Variants in PPEF1 observed in about 807,000 individuals in gnomAD.
PPEF1 encodes the protein serine/threonine-protein phosphatase with EF-hands 1.
Under a neutral mutation model 53.3 loss-of-function variants are expected in PPEF1, and 12 were observed. The ratio of observed to expected loss-of-function variants is 0.23; its 90% CI spans 0.14 to 0.36. PPEF1 has a LOEUF of 0.36. Among genes scored for constraint, PPEF1 ranks in the 10% least tolerant of loss-of-function variants. The pLI, the probability that PPEF1 is intolerant of heterozygous loss-of-function variation, is 1.00. For missense variants in PPEF1, 334 were observed against 490.4 expected (o/e 0.68, Z 3.01); for synonymous variants, 165 against 176.7 (o/e 0.93, Z 0.52).
chrX:18,774,723 A>G (rs2283719), intron 6 of PPEF1, among the ~76,000 whole-genome samples: 53,376 of 110,633 alleles, frequency 0.48, 9,620 homozygotes, highest in Non-Finnish European at 0.54. Flanking sequence ...CCACTGTAGA[A>G]ATCTTGGTTC....
intron 6 of PPEF1, among the ~76,000 whole-genome samples, chrX:18,767,960 G>T (rs1222405873): frequency 9.0e-6 from 1 of 111,244 alleles, no homozygotes; most frequent in Non-Finnish European, 1.9e-5. Flanking sequence ...TAGAATTTCT[G>T]TGATGGTCTT....
At chrX:18,820,691 CT>C (rs202006513) in intron 13 of PPEF1, among the ~76,000 whole-genome samples, 1,710 of 110,681 alleles carry the variant, frequency 0.015, 36 homozygotes, top group African/African-American at 0.054. Flanking sequence ...GGCCAGCAAA[CT>C]TTTTTCTTAA....
intron 7 of PPEF1, among the ~76,000 whole-genome samples, 191 bp from the exon 8 acceptor site, chrX:18,782,175 G>C (rs1454980821): frequency 9.0e-6 from 1 of 111,552 alleles, no homozygotes; most frequent in East Asian, 2.8e-4. Flanking sequence ...GGGTAGGGAT[G>C]ATGTCGTTGG....
chrX:18,807,356 A>T (rs923152266), intron 12 of PPEF1, among the ~76,000 whole-genome samples: 1 of 111,909 alleles, frequency 8.9e-6, no homozygotes, highest in Admixed American at 9.5e-5. Flanking sequence ...TATAGAACTA[A>T]CATGTTTGTT....
intron 13 of PPEF1, among the ~76,000 whole-genome samples, chrX:18,823,348 C>T (rs887989506): frequency 2.2e-4 from 24 of 111,343 alleles, no homozygotes; most frequent in African/African-American, 6.5e-4. Flanking sequence ...ACCTAGGCCG[C>T]GCATGGTGGC....
At chrX:18,817,067 C>CGTGTGT (rs1391352242) in intron 12 of PPEF1, among the ~76,000 whole-genome samples, 42 of 49,144 alleles carry the variant, frequency 8.5e-4, no homozygotes, top group African/African-American at 2.1e-3. Context: ...ATCATTTTGC[C>CGTGTGT]ATGTGTGTGT....
At chrX:18,816,625 C>T (rs1479012545) in intron 12 of PPEF1, among the ~76,000 whole-genome samples, 1 of 111,553 alleles carries the variant, frequency 9.0e-6, no homozygotes, top group Non-Finnish European at 1.9e-5. Flanking sequence ...TACTGAAAGT[C>T]GACTATTGAA....
At chrX:18,716,524 A>T (rs1165445509) in intron 1 of PPEF1, among the ~76,000 whole-genome samples, 1 of 72,508 alleles carries the variant, frequency 1.4e-5, no homozygotes, top group Non-Finnish European at 2.5e-5. Context: ...AGAGCGAGAC[A>T]CCATCTCAAA....
upstream of PPEF1, among the ~76,000 whole-genome samples, chrX:18,707,132 C>CT (rs200997106): frequency 0.042 from 4,605 of 110,303 alleles, 242 homozygotes; most frequent in African/African-American, 0.14. Flanking sequence ...CGGCTGCCTC[C>CT]TTTTTTTTAA....
chrX:18,757,575 A>G lies in PPEF1; in HGVS notation c.397-52A>G, dbSNP rs183735948. 1.2e-4 allele frequency: 110 copies of G among 951,792 alleles called. No individual in the cohort carries two copies. The East Asian group carries it at 3.3e-3, about 28-fold the overall frequency. The allele number at this position is 951,792 out of a possible 1,213,427, so 78.4% of individuals were successfully genotyped here. A position where few individuals can be genotyped will look rare whatever the true frequency, so the allele number is the denominator to read the frequency against. ...CACCTTTACAGTTTTCTATACAGTCATGTCTTTCTTCCTTGTTCATTACAT... is the reference window on the plus strand; with the variant it reads ...CACCTTTACAGTTTTCTATACAGTCGTGTCTTTCTTCCTTGTTCATTACAT... On this transcript the variant is annotated intron_variant, in intron 4 of 15. Transcript: ENST00000470157.
chrX:18,814,411 T>C lies in PPEF1; in HGVS notation c.1395-3628T>C, dbSNP rs755616190. Among the ~76,000 whole-genome samples, 281 of 112,138 alleles carry C rather than the reference T, an allele frequency of 2.5e-3. 1 individual carries two copies. Among genetic ancestry groups the C allele is most frequent in the African/African-American group, 8.8e-3 (272 of 30,941 alleles). On this transcript the variant is annotated intron_variant, in intron 12 of 15. Coordinates refer to ENST00000470157, the MANE Select transcript of PPEF1 (RefSeq NM_001377996.1). ...GTTCCATTTTTAGCTCTTTGAGAAA[T>C]CTCCAAAGTGCTTTCTACAGTGACT...
intron 4 of PPEF1, 137 bp downstream of exon 4, chrX:18,750,089 T>C: frequency 1.7e-6 from 1 of 572,594 alleles, no homozygotes; most frequent in East Asian, 3.6e-5. Flanking sequence ...CTCCCCTCTG[T>C]TACTCATTTA....
chrX:18,732,368 T>TATAG (rs1289497216), intron 2 of PPEF1, among the ~76,000 whole-genome samples: 2 of 112,150 alleles, frequency 1.8e-5, no homozygotes, highest in African/African-American at 3.2e-5. Context: ...TTCTCTTGGG[T>TATAG]ATAGACCTGT....
chrX:18,763,497 G>A lies in PPEF1; in HGVS notation c.558+1921G>A, dbSNP rs754454369. Among the ~76,000 whole-genome samples, 3 of 110,849 alleles carry A rather than the reference G, an allele frequency of 2.7e-5. No individual in the cohort carries two copies. In the South Asian group the frequency reaches 1.2e-3, roughly 43 times the overall value. The stretch of plus-strand genomic sequence containing the variant: ...GAACCACTCAGTCAGTACTGAGACA[G>A]TTGTTATGGAGGCCTGCGTTAGTGA... On this transcript the variant is annotated intron_variant, in intron 6 of 15. Coordinates refer to ENST00000470157, the MANE Select transcript of PPEF1 (RefSeq NM_001377996.1).
At chrX:18,824,324 C>T (rs1291534777) in intron 14 of PPEF1, among the ~76,000 whole-genome samples, 1 of 110,922 alleles carries the variant, frequency 9.0e-6, no homozygotes, top group Admixed American at 9.7e-5. Context: ...CCTGTAATCC[C>T]AGCTACTCAA....
upstream of PPEF1, among the ~76,000 whole-genome samples, chrX:18,680,922 C>G (rs777335950): frequency 1.8e-5 from 2 of 110,620 alleles, no homozygotes; most frequent in East Asian, 5.7e-4. Context: ...CAGTTTCATC[C>G]ATGTCCCTAC....
At chrX:18,754,038 C>T (rs1268102758) in intron 4 of PPEF1, among the ~76,000 whole-genome samples, 1 of 93,669 alleles carries the variant, frequency 1.1e-5, no homozygotes, top group African/African-American at 3.8e-5. Context: ...CTTCCTTGAA[C>T]ACCAGGAGCG....
chrX:18,789,310 G>T, intron 10 of PPEF1, 37 bp downstream of exon 10: 1 of 1,162,286 alleles, frequency 8.6e-7, no homozygotes, highest in South Asian at 1.9e-5. Flanking sequence ...TGGCAACAAT[G>T]ACACTAGCGT....
At chrX:18,751,109 C>T (rs1396874940) in intron 4 of PPEF1, among the ~76,000 whole-genome samples, 2 of 111,505 alleles carry the variant, frequency 1.8e-5, no homozygotes, top group African/African-American at 3.3e-5. Context: ...TATTTTCTCC[C>T]GTTCTGTAGG....
Sources: allele counts gnomAD v4.1 joint callset (sites outside exome capture counted in the v4.1 genomes callset), GRCh38; gene constraint gnomAD v4.1.1; transcripts MANE v1.5; gene names NCBI Gene and HGNC (gene_info 2026-07-23, HGNC 2026-07-21).